The following TET3 variants were observed in gnomAD, a reference collection of about 807,000 sequenced individuals.
TET3 encodes methylcytosine dioxygenase TET3.
In TET3, 19 loss-of-function variants were observed where a neutral mutation model predicts 141.4. The observed-to-expected ratio is 0.13, with a 90% CI of 0.09 to 0.20. TET3 has a LOEUF of 0.20. Ranked by LOEUF, TET3 falls within the 10% of genes least tolerant of loss-of-function variation. The pLI, the probability that TET3 is intolerant of heterozygous loss-of-function variation, is 1.00. For missense variants in TET3, 1,874 were observed against 2,356.9 expected (o/e 0.80, Z 4.24); for synonymous variants, 1,043 against 980.9 (o/e 1.06, Z -1.18).
chr2:74,075,038 T>C (rs1436439207), intron 5 of TET3, among the ~76,000 whole-genome samples: 1 of 152,010 alleles, frequency 6.6e-6, no homozygotes, highest in African/African-American at 2.4e-5. Context: ...GCCTGGCTAA[T>C]TTTTTGTATT....
chr2:73,984,435 G>A (rs1340777989), upstream of TET3, among the ~76,000 whole-genome samples: 2 of 152,182 alleles, frequency 1.3e-5, no homozygotes, highest in Admixed American at 6.5e-5. The surrounding 1 kb of genome is among the most constrained non-coding windows in gnomAD (Gnocchi z 5.6). Context: ...GAATGAGCCA[G>A]CGGCAGCTGG....
chr2:74,003,039 C>CT, intron 2 of TET3, 71 bp from the exon 3 acceptor site: 1 of 1,514,000 alleles, frequency 6.6e-7, no homozygotes, highest in East Asian at 2.5e-5. Context: ...GGGCTGGGGG[C>CT]TGTAGCAGGA....
chr2:74,096,656 T>C (rs559716989), intron 10 of TET3, among the ~76,000 whole-genome samples: 2 of 151,734 alleles, frequency 1.3e-5, no homozygotes, highest in South Asian at 4.2e-4. Context: ...TAATCCCAGC[T>C]ACTGGGGAGG....
chr2:74,003,509 G>T (rs1684980992), intron 3 of TET3, among the ~76,000 whole-genome samples: 1 of 128,678 alleles, frequency 7.8e-6, no homozygotes, highest in Non-Finnish European at 1.6e-5. Flanking sequence ...CCCTGGCACT[G>T]TTGGTTTGCA....
In TET3 at chr2:74,080,895, C is replaced by G. The variant is rs569187031; in HGVS notation, c.2679+304C>G. ...AGTCTTCACACTCGGCTCATCCTGTCCCCGTGGCTCAGGGCCGGAGGGGTA... is the reference window on the plus strand; with the variant it reads ...AGTCTTCACACTCGGCTCATCCTGTGCCCGTGGCTCAGGGCCGGAGGGGTA... On this transcript the variant is annotated intron_variant, in intron 6 of 11. Transcript: ENST00000409262. Among the ~76,000 whole-genome samples the G allele has an allele frequency of 1.9e-3, 287 of 152,288 alleles. 2 individuals carry two copies. The highest frequency in any genetic ancestry group is 0.019 in the South Asian group (90 of 4,830).
downstream of TET3, among the ~76,000 whole-genome samples, chr2:74,111,035 TAGTC>T (rs535269444): frequency 9.7e-4 from 147 of 152,268 alleles, 1 homozygote; most frequent in South Asian, 0.027. Context: ...TCTCCAGAAA[TAGTC>T]AGCTTCTGAG....
chr2:74,105,346 A>G lies in TET3; in HGVS notation c.*3170A>G. 2.5e-6 allele frequency: 1 copy of G among 398,612 alleles called. No homozygotes were observed. Among genetic ancestry groups the G allele is most frequent in the East Asian group, 3.6e-5 (1 of 28,072 alleles). The allele number at this position is 398,612 out of a possible 1,614,324, so 24.7% of individuals were successfully genotyped here. ...TTTGTTTTCCCTGCCTGTTGCGTGCAAGGGAAGTGCTTGTAAAGTTCTGTG... is the reference window on the plus strand; with the variant it reads ...TTTGTTTTCCCTGCCTGTTGCGTGCGAGGGAAGTGCTTGTAAAGTTCTGTG... On this transcript the variant is annotated 3_prime_UTR_variant, in exon 12 of 12. Transcript: ENST00000409262.
chr2:74,033,129 G>A (rs1277606646), intron 3 of TET3, among the ~76,000 whole-genome samples: 1 of 152,144 alleles, frequency 6.6e-6, no homozygotes, highest in Non-Finnish European at 1.5e-5. Flanking sequence ...ACAGACATGT[G>A]TAGTTTGCAG....
chr2:74,132,155 T>C, the TET3 span, among the ~76,000 whole-genome samples: 4 of 152,246 alleles, frequency 2.6e-5, no homozygotes, highest in South Asian at 8.3e-4. Flanking sequence ...CCCTCTTCTT[T>C]TGGTAACGCC....
rs1302548765 is a variant in TET3, at chr2:74,093,286, T to C, written c.3130-243T>C. On this transcript the variant is annotated intron_variant, in intron 9 of 11. Coordinates refer to ENST00000409262, the MANE Select transcript of TET3 (RefSeq NM_001287491.2). This position sits in a 1 kb window ranked among gnomAD's most constrained non-coding sequence, Gnocchi z 4.2. ...CCGAGTTTCTCTCACCTGTCACCCT[T>C]GTATCTCCTAGACAAGGCAAGGGGA... Among the ~76,000 whole-genome samples the C allele has an allele frequency of 1.3e-5, 2 of 152,114 alleles. No individual in the cohort carries two copies. The highest frequency in any genetic ancestry group is 2.4e-5 in the African/African-American group (1 of 41,422).
intron 6 of TET3, 112 bp downstream of exon 6, chr2:74,080,703 G>GAT: frequency 8.1e-6 from 3 of 372,484 alleles, no homozygotes; most frequent in Non-Finnish European, 9.8e-6. Flanking sequence ...CGAGGGCGGG[G>GAT]GGTGGGGCCA....
chr2:74,050,312 G>A (rs1025826377), intron 4 of TET3, among the ~76,000 whole-genome samples: 8 of 152,192 alleles, frequency 5.3e-5, no homozygotes, highest in African/African-American at 1.9e-4. Context: ...CACCAGGGCT[G>A]TTGTGAGGAT....
intron 2 of TET3, among the ~76,000 whole-genome samples, chr2:73,991,683 G>A (rs181812311): frequency 6.6e-6 from 1 of 151,826 alleles, no homozygotes; most frequent in East Asian, 1.9e-4. Context: ...AACTGGTCTG[G>A]GGCTCCCAGG....
intron 4 of TET3, among the ~76,000 whole-genome samples, chr2:74,058,263 A>G (rs1281699027): frequency 6.6e-6 from 1 of 152,212 alleles, no homozygotes; most frequent in Non-Finnish European, 1.5e-5. Context: ...TGTGGCAGAC[A>G]GCGAGGGAAG....
chr2:74,097,230 C>CACACACACACAT (rs1419069634), intron 10 of TET3, among the ~76,000 whole-genome samples: 11 of 150,998 alleles, frequency 7.3e-5, no homozygotes, highest in Non-Finnish European at 1.3e-4. Context: ...CACACACACA[C>CACACACACACAT]ATACATTCAA....
intron 4 of TET3, among the ~76,000 whole-genome samples, chr2:74,057,376 A>G (rs1688275225): frequency 6.6e-6 from 1 of 152,206 alleles, no homozygotes; most frequent in East Asian, 1.9e-4. Flanking sequence ...GAAATTTCCC[A>G]GTCGCAATTG....
intron 11 of TET3, 103 bp from the exon 12 acceptor site, chr2:74,100,290 A>C: frequency 1.6e-6 from 2 of 1,253,750 alleles, no homozygotes; most frequent in Non-Finnish European, 2.2e-6. Context: ...AAGAGGAAAC[A>C]TCCCTGGGAA....
At chr2:74,072,982 T>G (rs565177039) in intron 4 of TET3, among the ~76,000 whole-genome samples, 4 of 152,260 alleles carry the variant, frequency 2.6e-5, no homozygotes, top group Non-Finnish European at 5.9e-5. Flanking sequence ...ATTTTATGTA[T>G]CCATCCACCT....
At chr2:74,022,664 G>A (rs1398139656) in intron 3 of TET3, among the ~76,000 whole-genome samples, 1 of 152,118 alleles carries the variant, frequency 6.6e-6, no homozygotes, top group Non-Finnish European at 1.5e-5. Flanking sequence ...GGCAGGTATA[G>A]GCCAGACCAG....
Sources: allele counts gnomAD v4.1 joint callset (sites outside exome capture counted in the v4.1 genomes callset), GRCh38; gene constraint gnomAD v4.1.1; non-coding constraint Gnocchi (gnomAD v3.1); transcripts MANE v1.5; gene names NCBI Gene and HGNC (gene_info 2026-07-23, HGNC 2026-07-21).